Variants in ZFAND6 observed in about 807,000 individuals in gnomAD.
ZFAND6 encodes AN1-type zinc finger protein 6.
ZFAND6 carries 12 observed loss-of-function variants against 24.5 expected under a neutral mutation model. The ratio of observed to expected loss-of-function variants is 0.49; its 90% CI spans 0.31 to 0.79. The LOEUF (loss-of-function observed/expected upper bound fraction) is 0.79. Ranked by LOEUF, ZFAND6 falls within the 30% of genes least tolerant of loss-of-function variation. ZFAND6 has a pLI of 0.04. For missense variants in ZFAND6, 207 were observed against 245.9 expected (o/e 0.84, Z 1.06); for synonymous variants, 92 against 81.5 (o/e 1.13, Z -0.69).
intron 1 of ZFAND6, among the ~76,000 whole-genome samples, chr15:80,075,907 CCT>C (rs951246950): frequency 2.0e-5 from 3 of 151,974 alleles, no homozygotes; most frequent in Non-Finnish European, 4.4e-5. Context: ...ATATAAATAC[CCT>C]GTGTCATCTG....
intron 2 of ZFAND6, among the ~76,000 whole-genome samples, chr15:80,100,889 T>C (rs2038992362): frequency 6.6e-6 from 1 of 152,202 alleles, no homozygotes; most frequent in Non-Finnish European, 1.5e-5. Flanking sequence ...AGCAAATTTC[T>C]TAAACCTTCC....
chr15:80,068,544 G>T (rs1488190801), intron 1 of ZFAND6, among the ~76,000 whole-genome samples: 3 of 152,108 alleles, frequency 2.0e-5, no homozygotes, highest in Non-Finnish European at 4.4e-5. Flanking sequence ...GCTAATTTTT[G>T]TATTTTAAGT....
chr15:80,114,533 G>C (rs183728721), intron 2 of ZFAND6, among the ~76,000 whole-genome samples: 16 of 152,214 alleles, frequency 1.1e-4, no homozygotes, highest in African/African-American at 2.2e-4. Context: ...AATAACCCAG[G>C]TATGAAAAGC....
intron 6 of ZFAND6, among the ~76,000 whole-genome samples, chr15:80,134,200 A>G (rs190416800): frequency 6.6e-6 from 1 of 152,058 alleles, no homozygotes; most frequent in Admixed American, 6.5e-5. Flanking sequence ...CTGTTGGCCA[A>G]GCTGGTCCCA....
chr15:80,119,638 A>G (rs906361613), intron 2 of ZFAND6, among the ~76,000 whole-genome samples: 22 of 152,328 alleles, frequency 1.4e-4, no homozygotes, highest in Non-Finnish European at 2.8e-4. Context: ...AAAATTATAA[A>G]TAACGCTGTG....
chr15:80,093,068 C>T (rs1019913455), intron 1 of ZFAND6, among the ~76,000 whole-genome samples: 1 of 151,816 alleles, frequency 6.6e-6, no homozygotes, highest in African/African-American at 2.4e-5. Flanking sequence ...AATTCTCCTG[C>T]CTCAGCCTCC....
chr15:80,061,932 G>A (rs1390596435), intron 1 of ZFAND6, among the ~76,000 whole-genome samples: 2 of 152,164 alleles, frequency 1.3e-5, no homozygotes, highest in African/African-American at 2.4e-5. Context: ...ATTCATAGCC[G>A]TAGTGATTGA....
At chr15:80,062,360 T>G (rs1442386124) in intron 1 of ZFAND6, among the ~76,000 whole-genome samples, 1 of 152,230 alleles carries the variant, frequency 6.6e-6, no homozygotes, top group Non-Finnish European at 1.5e-5. Context: ...GGAAAAGTTG[T>G]GTGGTGGTTC....
At chr15:80,102,987 T>C (rs1352439675) in intron 2 of ZFAND6, among the ~76,000 whole-genome samples, 2 of 152,244 alleles carry the variant, frequency 1.3e-5, no homozygotes, top group Non-Finnish European at 2.9e-5. Context: ...ATGTGTGTGC[T>C]ATTCTGTCTC....
At chr15:80,075,800 G>A (rs371021232) in intron 1 of ZFAND6, among the ~76,000 whole-genome samples, 28 of 152,016 alleles carry the variant, frequency 1.8e-4, no homozygotes, top group African/African-American at 6.3e-4. Context: ...GTATGCCATC[G>A]GAGAAAATGA....
chr15:80,096,157 A>G (rs970211933), intron 1 of ZFAND6, among the ~76,000 whole-genome samples: 29 of 152,204 alleles, frequency 1.9e-4, no homozygotes, highest in Admixed American at 1.8e-3. Context: ...ATCTGTAAAG[A>G]GTTGGTAATA....
intron 1 of ZFAND6, among the ~76,000 whole-genome samples, chr15:80,075,570 A>G (rs2037226495): frequency 6.6e-6 from 1 of 152,132 alleles, no homozygotes; most frequent in Non-Finnish European, 1.5e-5. Context: ...GTTGCGTTTT[A>G]TTTCAAAAAT....
chr15:80,059,907 C>G (rs905896694), intron 1 of ZFAND6, 98 bp downstream of exon 1: 1 of 151,048 alleles, frequency 6.6e-6, no homozygotes, highest in African/African-American at 2.4e-5. Flanking sequence ...AGGCCCGCCC[C>G]CGGCCCCTCC....
rs770086014 is a variant in ZFAND6 at position 80,120,295 on chromosome 15, C to T, written c.-17-33C>T. ...TAATGTGTGATTGGAAGTTACGTGT[C>T]TGAGTTCTTTGCTAATTTTATGTAA... On this transcript the variant is annotated intron_variant, in intron 2 of 6. Coordinates refer to ENST00000261749, the MANE Select transcript of ZFAND6 (RefSeq NM_019006.4). The T allele has an allele frequency of 5.5e-6, 8 of 1,449,340 alleles. 1 individual carries two copies. The highest frequency in any genetic ancestry group is 7.3e-6 in the Non-Finnish European group (8 of 1,090,732). The allele number at this position is 1,449,340 out of a possible 1,614,324, so 89.8% of individuals were successfully genotyped here.
intron 1 of ZFAND6, among the ~76,000 whole-genome samples, chr15:80,083,164 G>A (rs1454560216): frequency 6.6e-6 from 1 of 151,998 alleles, no homozygotes. Context: ...GCTAATTTTT[G>A]TATTTTTTAG....
rs1266119943 is a variant in ZFAND6 at position 80,122,775 on chromosome 15, A to G, written c.339A>G (p.Ala113=). The G allele has an allele frequency of 3.7e-6, 6 of 1,613,210 alleles. No individual in the cohort carries two copies. Among genetic ancestry groups the G allele is most frequent in the African/African-American group, 1.3e-5 (1 of 74,906 alleles). Residue 113 remains alanine (A), a synonymous_variant, in exon 5 of 7, where the codon GCA becomes GCG. Transcript: ENST00000261749. ...TGGACAGTACATCTGTGGACAAAGC[A>G]GTACCTGAAACAGAAGATGTGCAGG... is the stretch of plus-strand genomic sequence containing the variant. ...SQLDSTSVDK[A]VPETEDVQAS...
chr15:80,087,392 A>G (rs2038069983), intron 1 of ZFAND6, among the ~76,000 whole-genome samples: 1 of 152,176 alleles, frequency 6.6e-6, no homozygotes, highest in Non-Finnish European at 1.5e-5. Context: ...ATTAATTTGC[A>G]TTTCCTAAAT....
At chr15:80,081,472 A>G (rs913963624) in intron 1 of ZFAND6, among the ~76,000 whole-genome samples, 4 of 152,248 alleles carry the variant, frequency 2.6e-5, no homozygotes, top group Non-Finnish European at 5.9e-5. Flanking sequence ...AGAACAGTTC[A>G]GGAGGACTGC....
chr15:80,084,331 T>G (rs2037863825), intron 1 of ZFAND6, among the ~76,000 whole-genome samples: 1 of 152,214 alleles, frequency 6.6e-6, no homozygotes. Context: ...TTGGAGCATT[T>G]CAGATTTTGG....
Sources: allele counts gnomAD v4.1 joint callset (sites outside exome capture counted in the v4.1 genomes callset), GRCh38; gene constraint gnomAD v4.1.1; transcripts MANE v1.5; gene names NCBI Gene and HGNC (gene_info 2026-07-23, HGNC 2026-07-21).